SRBD1: variants seen among roughly 807,000 people sequenced by gnomAD.
The protein encoded by SRBD1 is S1 RNA-binding domain-containing protein 1.
In SRBD1, 88 loss-of-function variants were observed where a neutral mutation model predicts 115.3. The ratio of observed to expected loss-of-function variants is 0.76; its 90% confidence interval spans 0.64 to 0.91. The LOEUF is 0.91. Ranked by LOEUF, SRBD1 falls within the 40% of genes least tolerant of loss-of-function variation. The probability of loss-of-function intolerance (pLI) is 0.00; values close to 1 mark genes in which losing one functional copy is unlikely to be tolerated. For missense variants in SRBD1, 1,385 were observed against 1,177.4 expected, an observed-to-expected ratio of 1.18 and a Z score of -2.58; for synonymous variants, 509 against 407.7, an observed-to-expected ratio of 1.25 and a Z score of -2.99.
In SRBD1 at chr2:45,422,053, T is replaced by C. The variant is rs1253835274; in HGVS notation, c.2050-2159A>G. Among the ~76,000 whole-genome samples the C allele has an allele frequency of 2.6e-5, 4 of 152,190 alleles. 1 individual carries two copies. The highest frequency in any genetic ancestry group is 7.2e-5 in the African/African-American group (3 of 41,502). On this transcript the variant is annotated intron_variant, in intron 16 of 20. Transcript: ENST00000263736. Reference sequence around the variant, plus strand: ...CTTTTTAAAATGGGTGGGTAGGAGATAGTATGGCAATGTAAAGGCAAGCAC... The same window carrying C: ...CTTTTTAAAATGGGTGGGTAGGAGACAGTATGGCAATGTAAAGGCAAGCAC...
At chr2:45,508,645 C>CA (rs997175393) in intron 14 of SRBD1, among the ~76,000 whole-genome samples, 6 of 151,922 alleles carry the variant, frequency 3.9e-5, no homozygotes, top group African/African-American at 1.5e-4. Context: ...GTTAAAAAAA[C>CA]AAAAACAAAA....
At chr2:45,453,704 T>A (rs1266898450) in intron 16 of SRBD1, among the ~76,000 whole-genome samples, 1 of 152,008 alleles carries the variant, frequency 6.6e-6, no homozygotes, top group Non-Finnish European at 1.5e-5. Context: ...AAAGAGGTTC[T>A]TTCTGTTTTT....
intron 10 of SRBD1, among the ~76,000 whole-genome samples, chr2:45,556,164 T>C (rs141256928): frequency 1.4e-4 from 21 of 152,256 alleles, no homozygotes; most frequent in African/African-American, 5.1e-4. Flanking sequence ...AGGATATACA[T>C]CCTTCCTTCC....
intron 9 of SRBD1, among the ~76,000 whole-genome samples, chr2:45,571,250 TA>T (rs1672998708): frequency 6.6e-6 from 1 of 152,076 alleles, no homozygotes; most frequent in Admixed American, 6.6e-5. Context: ...TTTTTTCTTT[TA>T]GGGGATTTTT....
chr2:45,478,589 G>C (rs1215525313), intron 15 of SRBD1, among the ~76,000 whole-genome samples: 2 of 152,168 alleles, frequency 1.3e-5, no homozygotes, highest in African/African-American at 4.8e-5. Flanking sequence ...GTTAGTGCAA[G>C]CATTGCAGGT....
intron 19 of SRBD1, among the ~76,000 whole-genome samples, chr2:45,412,258 G>C (rs752726812): frequency 2.6e-5 from 4 of 152,054 alleles, no homozygotes; most frequent in Non-Finnish European, 4.4e-5. Context: ...CAATTTTTCT[G>C]TATGGCTAAA....
intron 12 of SRBD1, 59 bp downstream of exon 12, chr2:45,551,066 G>A (rs1672282603): frequency 1.3e-6 from 2 of 1,531,634 alleles, no homozygotes; most frequent in Non-Finnish European, 8.7e-7. Flanking sequence ...TGAAATGTAT[G>A]AAGTGAAACT....
intron 14 of SRBD1, among the ~76,000 whole-genome samples, chr2:45,500,989 T>C (rs1423167601): frequency 6.6e-6 from 1 of 152,218 alleles, no homozygotes; most frequent in Admixed American, 6.5e-5. Context: ...CTTTCAGTTT[T>C]TCCCCATTCA....
Position 45,418,516 on chromosome 2 carries a change from T to C in SRBD1, c.2182A>G (p.Arg728Gly). 1 of 1,613,284 alleles carries C rather than the reference T, an allele frequency of 6.2e-7. No individual in the cohort carries two copies. The highest frequency in any genetic ancestry group is 1.7e-5 in the Admixed American group (1 of 59,906). ...CGCCATTCAATAATATTTTTGGCCC[T>C]GTTGGCATTGAGTCCTGCAATATGC... ...LRHIAGLNAN[R>G]AKNIIEWREK... The change falls in exon 18 of 21, where the codon AGG becomes GGG. Residue 728 changes from arginine to glycine, a missense_variant. Physicochemically the swap from Arg to Gly is moderately radical, Grantham distance 125 (BLOSUM62 -2). Transcript: ENST00000263736.
chr2:45,611,086 C>T (rs1176008910), intron 1 of SRBD1, 133 bp downstream of exon 1: 3 of 152,188 alleles, frequency 2.0e-5, no homozygotes, highest in Admixed American at 6.5e-5. Flanking sequence ...ATGAACTTCT[C>T]ACTTTTAAAA....
intron 16 of SRBD1, among the ~76,000 whole-genome samples, chr2:45,476,182 C>A (rs1169311423): frequency 1.3e-5 from 2 of 152,100 alleles, no homozygotes; most frequent in Non-Finnish European, 2.9e-5. Context: ...AGCTTTGCTA[C>A]CATGAGATCT....
At chr2:45,471,304 ATTGTTTTTATTCTAGAGCAACAAC>A in intron 16 of SRBD1, among the ~76,000 whole-genome samples, 1 of 152,308 alleles carries the variant, frequency 6.6e-6, no homozygotes, top group South Asian at 2.1e-4. Context: ...TAAAACACAA[ATTGTTTTTATTCTAGAGCAACAAC>A]TTTGTTGAAA....
intron 1 of SRBD1, among the ~76,000 whole-genome samples, chr2:45,608,741 A>G (rs1674350039): frequency 6.6e-6 from 1 of 152,096 alleles, no homozygotes; most frequent in African/African-American, 2.4e-5. Context: ...TTCTTGCTCT[A>G]AAACCTGTTC....
intron 16 of SRBD1, among the ~76,000 whole-genome samples, chr2:45,466,498 C>G (rs1183893508): frequency 6.6e-6 from 1 of 152,176 alleles, no homozygotes; most frequent in Non-Finnish European, 1.5e-5. Context: ...ATACACTTGT[C>G]TCTCAAATGC....
intron 10 of SRBD1, among the ~76,000 whole-genome samples, chr2:45,560,932 C>A (rs1185605413): frequency 1.4e-5 from 2 of 147,928 alleles, no homozygotes; most frequent in Non-Finnish European, 3.0e-5. Flanking sequence ...ATGGCAAGAC[C>A]TCATCTCTTA....
chr2:45,449,747 T>G (rs770049904), intron 16 of SRBD1, among the ~76,000 whole-genome samples: 1 of 152,230 alleles, frequency 6.6e-6, no homozygotes, highest in Non-Finnish European at 1.5e-5. Context: ...TGTGCTCTTA[T>G]GGATATGCTG....
At chr2:45,546,642 A>G (rs992230571) in intron 14 of SRBD1, 90 bp downstream of exon 14, 4 of 1,268,694 alleles carry the variant, frequency 3.2e-6, no homozygotes, top group Non-Finnish European at 3.4e-6. Flanking sequence ...GAAGATGTAC[A>G]TCTTAAAAAG....
chr2:45,484,868 T>C (rs777512892), intron 15 of SRBD1, among the ~76,000 whole-genome samples: 1 of 152,202 alleles, frequency 6.6e-6, no homozygotes, highest in Admixed American at 6.5e-5. Flanking sequence ...TTCTTTTACT[T>C]ATGTTGGCAT....
rs1287479758 is a variant in SRBD1, at chr2:45,581,702, T to C, written c.924A>G (p.Leu308=). 1.9e-6 allele frequency: 3 copies of C among 1,612,176 alleles called. No individual in the cohort carries two copies. Among genetic ancestry groups the C allele is most frequent in the South Asian group, 1.1e-5 (1 of 90,888 alleles). The part of the protein sequence containing the change: ...AMLNCKTFEE[L]EHVSAPYKTG... ...AAAAAGGATTCCTTACCACGTGTTC[T>C]AGTTCTTCAAAAGTTTTACAATTCA... The change falls in exon 6 of 21, where the codon CTA becomes CTG. Residue 308 remains leucine (L), a synonymous_variant. Coordinates refer to ENST00000263736, the MANE Select transcript of SRBD1 (RefSeq NM_018079.5).
Sources: gnomAD v4.1 joint callset for allele counts (sites outside exome capture counted in the v4.1 genomes callset) on GRCh38, gnomAD v4.1.1 for gene constraint, MANE v1.5 for transcripts, NCBI Gene and HGNC (gene_info 2026-07-23, HGNC 2026-07-21) for gene names.